Variants in REEP1 observed in about 807,000 individuals in gnomAD.
REEP1 encodes the protein receptor expression-enhancing protein 1.
A neutral mutation model predicts 40.3 loss-of-function variants in REEP1; 22 were observed. The observed-to-expected ratio is 0.55, with a 90% CI of 0.39 to 0.78. The LOEUF is 0.78. Ranked by LOEUF, REEP1 falls within the 30% of genes least tolerant of loss-of-function variation. The probability of loss-of-function intolerance (pLI) is 0.00; values close to 1 mark genes in which losing one functional copy is unlikely to be tolerated. For synonymous variants in REEP1, 116 were observed against 139.2 expected (o/e 0.83, Z 1.17); for missense variants, 280 against 361.1 (o/e 0.78, Z 1.82).
At chr2:86,220,619 A>T (rs1030678105) in intron 7 of REEP1, among the ~76,000 whole-genome samples, 1 of 152,198 alleles carries the variant, frequency 6.6e-6, no homozygotes, top group Non-Finnish European at 1.5e-5. Flanking sequence ...TGCATATTCA[A>T]TTCCAAGCAT....
In REEP1 at chr2:86,215,938, C is replaced by G. The variant is rs1490384634; in HGVS notation, c.*1101G>C. 1.3e-5 allele frequency: 2 copies of G among 152,000 alleles called. No homozygotes were observed. The highest frequency in any genetic ancestry group is 2.9e-5 in the Non-Finnish European group (2 of 67,996). The allele number at this position is 152,000 out of a possible 1,614,324, so 9.4% of individuals were successfully genotyped here. ...TCGAGCTCCAAAACCATTCTAGAGC[C>G]CACCATTTTGATTGTTACACATGTG... is the stretch of plus-strand genomic sequence containing the variant. On this transcript the variant is annotated 3_prime_UTR_variant, in exon 9 of 9. Transcript: ENST00000538924.
At chr2:86,270,292 G>A (rs1289921763) in intron 2 of REEP1, among the ~76,000 whole-genome samples, 2 of 152,100 alleles carry the variant, frequency 1.3e-5, no homozygotes, top group Non-Finnish European at 2.9e-5. Context: ...CTCCTCCCAG[G>A]CTCAAGTGAT....
In REEP1 at chr2:86,220,842, G is replaced by T. The variant is rs117085641; in HGVS notation, c.632-721C>A. 1.6e-3 allele frequency among the ~76,000 whole-genome samples: 249 copies of T among 152,126 alleles called. 4 individuals are homozygous for T. In the East Asian group the frequency reaches 0.025, roughly 16 times the overall value. On this transcript the variant is annotated intron_variant, in intron 7 of 8. Transcript: ENST00000538924. ...TGCCTTGAATACATCTGCGGGAAAA[G>T]CTTCAGAATTAATTCATCTCATTGA...
intron 1 of REEP1, among the ~76,000 whole-genome samples, chr2:86,288,032 A>ATTTTTTTTTTTTTTTTTTT (rs1558916457): frequency 1.3e-5 from 2 of 149,754 alleles, no homozygotes; most frequent in African/African-American, 5.1e-5. Context: ...TATTTTTATT[A>ATTTTTTTTTTTTTTTTTTT]TTTTTTTGAG....
chr2:86,253,863 C>G (rs1417027979), intron 4 of REEP1, among the ~76,000 whole-genome samples: 1 of 152,176 alleles, frequency 6.6e-6, no homozygotes, highest in Non-Finnish European at 1.5e-5. Flanking sequence ...TTAAGAAACC[C>G]CACTACACAA....
intron 4 of REEP1, among the ~76,000 whole-genome samples, chr2:86,252,397 G>C (rs1461251321): frequency 6.6e-6 from 1 of 152,160 alleles, no homozygotes; most frequent in East Asian, 1.9e-4. Flanking sequence ...CCACTCACCA[G>C]ACACTGAAAG....
chr2:86,276,565 T>C (rs1677767859), intron 2 of REEP1, among the ~76,000 whole-genome samples: 1 of 152,236 alleles, frequency 6.6e-6, no homozygotes, highest in South Asian at 2.1e-4. Flanking sequence ...TATACAGTGC[T>C]ACCTGGCATT....
intron 1 of REEP1, among the ~76,000 whole-genome samples, chr2:86,310,247 A>G (rs2104482240): frequency 6.6e-6 from 1 of 152,350 alleles, no homozygotes; most frequent in Non-Finnish European, 1.5e-5. Context: ...TGCTCAGAGC[A>G]TAATGATGTT....
intron 1 of REEP1, among the ~76,000 whole-genome samples, chr2:86,287,205 G>A (rs968733905): frequency 1.3e-5 from 2 of 151,892 alleles, no homozygotes; most frequent in Non-Finnish European, 2.9e-5. Context: ...TCTCCTGCTC[G>A]GCCTCCTGAG....
chr2:86,278,832 G>A (rs936416200), intron 2 of REEP1, among the ~76,000 whole-genome samples: 1 of 152,212 alleles, frequency 6.6e-6, no homozygotes, highest in Non-Finnish European at 1.5e-5. Flanking sequence ...ATCCTCCCCA[G>A]TTCCTGGGTA....
chr2:86,327,906 T>C (rs1680591130), intron 1 of REEP1, among the ~76,000 whole-genome samples: 1 of 152,090 alleles, frequency 6.6e-6, no homozygotes, highest in Non-Finnish European at 1.5e-5. Context: ...GGGACAGGAA[T>C]AGAAGCAGAG....
intron 2 of REEP1, among the ~76,000 whole-genome samples, chr2:86,275,387 CA>C (rs1397168072): frequency 6.6e-6 from 1 of 152,230 alleles, no homozygotes. Context: ...TCTGGGGCCT[CA>C]ATGATTACAG....
rs370567876 is a variant in REEP1, at chr2:86,240,899, C to G, written c.418-8097G>C. Among the ~76,000 whole-genome samples, 140 of 152,314 alleles carry G rather than the reference C, an allele frequency of 9.2e-4. 2 individuals are homozygous for G. The South Asian group carries it at 0.028, about 30-fold the overall frequency. On this transcript the variant is annotated intron_variant, in intron 5 of 8. Transcript: ENST00000538924. ...TCTGGGAAGTGCCCTTAAGGAGAGA[C>G]AGCAGGCAAGAACAAGCATTAACTG...
At chr2:86,318,671 T>A (rs919001717) in intron 1 of REEP1, among the ~76,000 whole-genome samples, 1 of 152,160 alleles carries the variant, frequency 6.6e-6, no homozygotes, top group African/African-American at 2.4e-5. Flanking sequence ...GTGCTGGGAT[T>A]ACAGGCGTGA....
intron 1 of REEP1, among the ~76,000 whole-genome samples, chr2:86,300,993 C>T (rs1043614428): frequency 2.0e-5 from 3 of 152,146 alleles, no homozygotes; most frequent in Non-Finnish European, 4.4e-5. Flanking sequence ...AGGTGAGGAT[C>T]CAATTCAGAA....
intron 1 of REEP1, among the ~76,000 whole-genome samples, chr2:86,304,032 T>C (rs1204880556): frequency 6.6e-6 from 1 of 152,074 alleles, no homozygotes; most frequent in African/African-American, 2.4e-5. Context: ...GGTAGATATG[T>C]AGTAAATAGG....
intron 2 of REEP1, among the ~76,000 whole-genome samples, chr2:86,265,907 A>G (rs7560886): frequency 0.49 from 74,563 of 152,058 alleles, 18,402 homozygotes; most frequent in East Asian, 0.65. Context: ...TCCACGTAAC[A>G]AACCTGCACT....
rs527871987 is a variant in REEP1, at chr2:86,305,706, T to C, written c.33-23464A>G. ...CCATCTGCCACTCAGATTTGCCTCT[T>C]CCTTCCCTCCCTTGGCACCTGCAGC... is the stretch of plus-strand genomic sequence containing the variant. On this transcript the variant is annotated intron_variant, in intron 1 of 8. Transcript: ENST00000538924. 5.3e-5 allele frequency among the ~76,000 whole-genome samples: 8 copies of C among 152,272 alleles called. No homozygotes were observed. In the East Asian group the frequency reaches 1.4e-3, roughly 26 times the overall value.
Position 86,282,232 on chromosome 2 carries a change from C to A in REEP1, c.43G>T (p.Gly15Cys). The A allele has an allele frequency of 6.2e-7, 1 of 1,605,322 alleles. No individual in the cohort carries two copies. Among genetic ancestry groups the A allele is most frequent in the Non-Finnish European group, 8.5e-7 (1 of 1,172,140 alleles). Residue 15 changes from glycine (G) to cysteine (C), a missense_variant, in exon 2 of 9, where the codon GGC (glycine) becomes TGC (cysteine). Gly to Cys is a radical substitution (Grantham distance 159). Coordinates refer to ENST00000538924, the MANE Select transcript of REEP1 (RefSeq NM_001371279.1). ...GAATAATACGCAGGGTAAAGGGTGC[C>A]AAATATAAGCCTGGAGGGAAGAGAG... ...IISRLVVLIF[G>C]TLYPAYYSYK... is the part of the protein sequence containing the mutation.
Sources: allele counts gnomAD v4.1 joint callset (sites outside exome capture counted in the v4.1 genomes callset), GRCh38; gene constraint gnomAD v4.1.1; transcripts MANE v1.5; gene names NCBI Gene and HGNC (gene_info 2026-07-23, HGNC 2026-07-21).